SPTBN1: variants seen among roughly 807,000 people sequenced by gnomAD.
SPTBN1 encodes the protein spectrin beta chain, non-erythrocytic 1.
A neutral mutation model predicts 266.4 loss-of-function variants in SPTBN1; 32 were observed. That is an observed-to-expected ratio of 0.12 (90% CI 0.09 to 0.16). SPTBN1 has a LOEUF of 0.16. SPTBN1 is among the 10% of genes least tolerant of loss of function. SPTBN1 has a pLI of 1.00. For synonymous variants in SPTBN1, 1,336 were observed against 1,162.2 expected (o/e 1.15, Z -3.04); for missense variants, 2,296 against 3,067.1 (o/e 0.75, Z 5.94).
chr2:54,489,167 A>C (rs1159752560), intron 1 of SPTBN1, among the ~76,000 whole-genome samples: 9 of 150,850 alleles, frequency 6.0e-5, no homozygotes, highest in Non-Finnish European at 7.4e-5. Context: ...AAAAAAAAAA[A>C]AAAAAAAACC....
At chr2:54,566,585 C>G (rs773465901) in intron 2 of SPTBN1, among the ~76,000 whole-genome samples, 6 of 152,130 alleles carry the variant, frequency 3.9e-5, no homozygotes, top group Non-Finnish European at 8.8e-5. Flanking sequence ...AATACCAGCT[C>G]TTTGGGAGGT....
At chr2:54,490,106 A>C (rs1668607638) in intron 1 of SPTBN1, among the ~76,000 whole-genome samples, 1 of 141,526 alleles carries the variant, frequency 7.1e-6, no homozygotes, top group African/African-American at 2.7e-5. Flanking sequence ...TGTGAGGCGG[A>C]GTTGCACTTG....
At chr2:54,641,993 A>G (rs1679597572) in intron 18 of SPTBN1, among the ~76,000 whole-genome samples, 1 of 152,200 alleles carries the variant, frequency 6.6e-6, no homozygotes, top group African/African-American at 2.4e-5. Flanking sequence ...TCTCACGGTC[A>G]CTCAGGAGAA....
chr2:54,494,613 C>G (rs2104048967), intron 1 of SPTBN1, among the ~76,000 whole-genome samples: 1 of 152,282 alleles, frequency 6.6e-6, no homozygotes, highest in African/African-American at 2.4e-5. Flanking sequence ...AATAATTATA[C>G]TGGGTAAGCA....
intron 1 of SPTBN1, among the ~76,000 whole-genome samples, chr2:54,486,935 G>A (rs1668429122): frequency 6.6e-6 from 1 of 152,058 alleles, no homozygotes; most frequent in South Asian, 2.1e-4. Flanking sequence ...AAACATAAGT[G>A]TTGGTACTTT....
At chr2:54,483,754 C>T (rs1668211738) in intron 1 of SPTBN1, among the ~76,000 whole-genome samples, 1 of 152,124 alleles carries the variant, frequency 6.6e-6, no homozygotes, top group Non-Finnish European at 1.5e-5. Flanking sequence ...CTTCACAGGG[C>T]CTGTGAGTCA....
intron 2 of SPTBN1, among the ~76,000 whole-genome samples, chr2:54,537,946 A>G (rs772900087): frequency 6.6e-6 from 1 of 152,236 alleles, no homozygotes; most frequent in Non-Finnish European, 1.5e-5. Context: ...ACATAAGAGC[A>G]TGGCAGCTCT....
intron 1 of SPTBN1, among the ~76,000 whole-genome samples, chr2:54,486,284 GA>G (rs1317259966): frequency 6.6e-6 from 1 of 152,104 alleles, no homozygotes; most frequent in Non-Finnish European, 1.5e-5. Context: ...AGAAAGGGGG[GA>G]AAGGTGGGGA....
chr2:54,532,811 C>G (rs1234646310), intron 2 of SPTBN1, among the ~76,000 whole-genome samples: 1 of 152,174 alleles, frequency 6.6e-6, no homozygotes, highest in African/African-American at 2.4e-5. Context: ...AAGACTACGT[C>G]TTCCCCTAAT....
rs1678378869 is a variant in SPTBN1 at position 54,626,926 on chromosome 2, G to C, written c.1644+692G>C. On this transcript the variant is annotated intron_variant, in intron 12 of 35. Transcript: ENST00000356805. The surrounding 1 kb of genome is among the most constrained non-coding windows in gnomAD (Gnocchi z 4.7). ...GCTATCATGCCATGGCCCTGTACCTGTTCATGTCCTCCAATGCAGGCCATG... is the reference window on the plus strand; with the variant it reads ...GCTATCATGCCATGGCCCTGTACCTCTTCATGTCCTCCAATGCAGGCCATG... 6.6e-6 allele frequency among the ~76,000 whole-genome samples: 1 copy of C among 152,086 alleles called. No homozygotes were observed. Among genetic ancestry groups the C allele is most frequent in the South Asian group, 2.1e-4 (1 of 4,816 alleles).
rs147095232 is a variant in SPTBN1, at chr2:54,558,613, C to A, written c.148+32047C>A. 4 of 1,435,872 alleles carry A rather than the reference C, an allele frequency of 2.8e-6. No individual in the cohort carries two copies. In the Middle Eastern group the frequency reaches 7.8e-4, roughly 281 times the overall value. The allele number at this position is 1,435,872 out of a possible 1,614,324, so 88.9% of individuals were successfully genotyped here. On this transcript the variant is annotated intron_variant, in intron 2 of 35. Transcript: ENST00000356805. This position sits in a 1 kb window ranked among gnomAD's most constrained non-coding sequence, Gnocchi z 4.6. ...TCCTCGCGGAGCTAAGGTGGACTCT[C>A]TTGCAGCCAACTTCCCATCAGATCA...
intron 1 of SPTBN1, among the ~76,000 whole-genome samples, chr2:54,521,323 T>C (rs531507698): frequency 2.0e-5 from 3 of 152,354 alleles, no homozygotes; most frequent in East Asian, 3.9e-4. Flanking sequence ...ATGATGGCTA[T>C]GGTGGGAGCG....
In SPTBN1 at chr2:54,559,300, C is replaced by G. The variant is rs113887137; in HGVS notation, c.148+32734C>G. Among the ~76,000 whole-genome samples the G allele has an allele frequency of 1.2e-3, 188 of 152,296 alleles. 2 individuals carry two copies. Among genetic ancestry groups the G allele is most frequent in the African/African-American group, 3.9e-3 (163 of 41,532 alleles). On this transcript the variant is annotated intron_variant, in intron 2 of 35. Coordinates refer to ENST00000356805, the MANE Select transcript of SPTBN1 (RefSeq NM_003128.3). Reference sequence around the variant, plus strand: ...TAAAGTGCCGTGCTCAGACCCAGTCCTGTAGAACAATAGCAAAGGGGAGGA... The same window carrying G: ...TAAAGTGCCGTGCTCAGACCCAGTCGTGTAGAACAATAGCAAAGGGGAGGA...
intron 2 of SPTBN1, among the ~76,000 whole-genome samples, chr2:54,534,627 G>C (rs748277476): frequency 1.3e-5 from 2 of 152,164 alleles, no homozygotes; most frequent in Non-Finnish European, 2.9e-5. Context: ...GTTTTCCTCT[G>C]GTTCCTTCTC....
At position 54,653,982 on chromosome 2, in the gene SPTBN1, G is replaced by A. The variant is rs879212097; in HGVS notation, c.5822+129G>A. On this transcript the variant is annotated intron_variant, in intron 27 of 35. Coordinates refer to ENST00000356805, the MANE Select transcript of SPTBN1 (RefSeq NM_003128.3). The surrounding 1 kb of genome is among the most constrained non-coding windows in gnomAD (Gnocchi z 5.1). ...GCTTCAAGGCCAGAGTGGGGGTGGGGCGGTGCTTGGAGTGCGGCACCACTG... is the reference window on the plus strand; with the variant it reads ...GCTTCAAGGCCAGAGTGGGGGTGGGACGGTGCTTGGAGTGCGGCACCACTG... The A allele has an allele frequency of 7.1e-7, 1 of 1,404,448 alleles. No individual in the cohort carries two copies. The highest frequency in any genetic ancestry group is 9.5e-7 in the Non-Finnish European group (1 of 1,051,680). 87.0% of individuals were successfully genotyped at this position (1,404,448 alleles called of 1,614,324 possible). A position where few individuals can be genotyped will look rare whatever the true frequency, so the allele number is the denominator to read the frequency against.
In SPTBN1 at chr2:54,460,089, A is replaced by G. The variant is rs557546861; in HGVS notation, c.-48+3571A>G. On this transcript the variant is annotated intron_variant, in intron 1 of 35. Transcript: ENST00000356805. ...GTGAGGTTCACGGACCTTCAACATT[A>G]GAATCGCCTGGAAGCTTGTTGCAAA... Among the ~76,000 whole-genome samples, 85 of 152,362 alleles carry G rather than the reference A, an allele frequency of 5.6e-4. 1 individual carries two copies. Among genetic ancestry groups the G allele is most frequent in the African/African-American group, 1.9e-3 (79 of 41,580 alleles).
At chr2:54,666,237 G>C in intron 34 of SPTBN1, 149 bp downstream of exon 34, 1 of 873,476 alleles carries the variant, frequency 1.1e-6, no homozygotes, top group Non-Finnish European at 1.7e-6. Context: ...AGTTTGGCAC[G>C]TGTCTCGGTT....
At position 54,599,743 on chromosome 2, in the gene SPTBN1, T is replaced by C. The variant is rs539605982; in HGVS notation, c.300+500T>C. 1.4e-4 allele frequency among the ~76,000 whole-genome samples: 22 copies of C among 152,334 alleles called. No individual in the cohort carries two copies. In the East Asian group the frequency reaches 3.9e-3, roughly 27 times the overall value. On this transcript the variant is annotated intron_variant, in intron 3 of 35. Coordinates refer to ENST00000356805, the MANE Select transcript of SPTBN1 (RefSeq NM_003128.3). ...AGTGGAGGGAGAAGCTGGTGTTTTG[T>C]CATCTCCTTGGGAAAGGAGCTTCTG...
At chr2:54,576,910 T>C (rs1406022589) in intron 2 of SPTBN1, among the ~76,000 whole-genome samples, 2 of 152,170 alleles carry the variant, frequency 1.3e-5, no homozygotes, top group South Asian at 2.1e-4. Flanking sequence ...TTTGGAGGAA[T>C]TGACATTGAT....
Sources: allele counts gnomAD v4.1 joint callset (sites outside exome capture counted in the v4.1 genomes callset), GRCh38; gene constraint gnomAD v4.1.1; non-coding constraint Gnocchi (gnomAD v3.1); transcripts MANE v1.5; gene names NCBI Gene and HGNC (gene_info 2026-07-23, HGNC 2026-07-21).